Variants in IL1RAPL1 observed in about 807,000 individuals in gnomAD.
IL1RAPL1 encodes interleukin 1 receptor accessory protein like 1.
A neutral mutation model predicts 48.4 loss-of-function variants in IL1RAPL1; 3 were observed. That is an observed-to-expected ratio of 0.06 (90% CI 0.03 to 0.16). The LOEUF (loss-of-function observed/expected upper bound fraction) is 0.16, where lower values mean the gene tolerates loss of function less well. Among genes scored for constraint, IL1RAPL1 ranks in the 10% least tolerant of loss-of-function variants. The pLI is 1.00. For synonymous variants in IL1RAPL1, 185 were observed against 187.7 expected, an observed-to-expected ratio of 0.99 and a Z score of 0.12; for missense variants, 349 against 530.6, an observed-to-expected ratio of 0.66 and a Z score of 3.36.
At chrX:29,862,634 C>T (rs950841926) in intron 6 of IL1RAPL1, among the ~76,000 whole-genome samples, 20 of 111,261 alleles carry the variant, frequency 1.8e-4, no homozygotes, top group Admixed American at 1.7e-3. Context: ...AAAACAAAAA[C>T]GCAGCCTAAT....
intron 5 of IL1RAPL1, among the ~76,000 whole-genome samples, chrX:29,633,322 CAGAATAGTA>C (rs1347317372): frequency 9.0e-6 from 1 of 110,899 alleles, no homozygotes; most frequent in East Asian, 2.8e-4. Flanking sequence ...TATTAGAAAT[CAGAATAGTA>C]CTTACCTTTG....
chrX:29,912,367 A>AGAT (rs1486946084), intron 6 of IL1RAPL1, among the ~76,000 whole-genome samples: 1 of 111,983 alleles, frequency 8.9e-6, no homozygotes, highest in Non-Finnish European at 1.9e-5. Context: ...CATTAATTTG[A>AGAT]GATTATGTAT....
intron 5 of IL1RAPL1, among the ~76,000 whole-genome samples, chrX:29,458,912 T>C (rs996151978): frequency 9.0e-6 from 1 of 111,726 alleles, no homozygotes; most frequent in African/African-American, 3.3e-5. Context: ...TTATGGGTCA[T>C]GTGGTTTCTG....
intron 2 of IL1RAPL1, among the ~76,000 whole-genome samples, chrX:29,108,182 T>G (rs944336079): frequency 8.9e-6 from 1 of 111,986 alleles, no homozygotes; most frequent in East Asian, 2.8e-4. Context: ...AATGCAATTA[T>G]GCATGATATA....
chrX:28,718,038 A>G (rs915464314), intron 1 of IL1RAPL1, among the ~76,000 whole-genome samples: 1 of 111,808 alleles, frequency 8.9e-6, no homozygotes, highest in Admixed American at 9.5e-5. Context: ...AAAGAAATGT[A>G]AATAGTTCTT....
At chrX:28,874,430 A>G (rs1353673022) in intron 2 of IL1RAPL1, among the ~76,000 whole-genome samples, 1 of 112,229 alleles carries the variant, frequency 8.9e-6, no homozygotes, top group Non-Finnish European at 1.9e-5. Context: ...TACAACCTTC[A>G]TGGCTATCAT....
intron 1 of IL1RAPL1, among the ~76,000 whole-genome samples, chrX:28,716,116 C>T (rs1935501428): frequency 8.9e-6 from 1 of 111,965 alleles, no homozygotes; most frequent in African/African-American, 3.2e-5. Context: ...GCAGAAAAGG[C>T]TTGTGACAAA....
At chrX:29,099,848 A>G (rs1928295430) in intron 2 of IL1RAPL1, among the ~76,000 whole-genome samples, 1 of 111,577 alleles carries the variant, frequency 9.0e-6, no homozygotes, top group South Asian at 3.7e-4. Context: ...CATTGCAATT[A>G]TATATTATTA....
intron 2 of IL1RAPL1, among the ~76,000 whole-genome samples, chrX:29,187,150 T>C (rs1166279172): frequency 8.9e-6 from 1 of 112,241 alleles, no homozygotes; most frequent in East Asian, 2.8e-4. Flanking sequence ...AAGAAACTTG[T>C]TCTGTATAAC....
At chrX:29,261,170 G>A (rs1039658486) in intron 2 of IL1RAPL1, among the ~76,000 whole-genome samples, 10 of 109,686 alleles carry the variant, frequency 9.1e-5, no homozygotes, top group African/African-American at 2.3e-4. Context: ...ACTTGAAGTC[G>A]ACTTTCCTAG....
intron 2 of IL1RAPL1, among the ~76,000 whole-genome samples, chrX:29,108,179 T>G (rs1928486019): frequency 8.9e-6 from 1 of 111,900 alleles, no homozygotes; most frequent in Non-Finnish European, 1.9e-5. Flanking sequence ...ATAAATGCAA[T>G]TATGCATGAT....
In IL1RAPL1 at chrX:29,574,525, G is replaced by A. The variant is rs950032555; in HGVS notation, c.704-93905G>A. The stretch of plus-strand genomic sequence containing the variant: ...TCTGAAGTCTCATGTGAGACAAGGC[G>A]AGTCCCTTCTACCTATGAGCCTGTA... On this transcript the variant is annotated intron_variant, in intron 5 of 10. Coordinates refer to ENST00000378993, the MANE Select transcript of IL1RAPL1 (RefSeq NM_014271.4). Among the ~76,000 whole-genome samples the A allele has an allele frequency of 7.2e-5, 8 of 110,347 alleles. No individual in the cohort carries two copies. The Admixed American group carries it at 7.7e-4, about 11-fold the overall frequency.
intron 3 of IL1RAPL1, among the ~76,000 whole-genome samples, chrX:29,376,342 G>C (rs1227252447): frequency 1.8e-5 from 2 of 110,050 alleles, no homozygotes; most frequent in Non-Finnish European, 3.8e-5. Flanking sequence ...TTATTCAGGG[G>C]TAAGTTGTCT....
Position 29,064,804 on chromosome X carries a change from A to G in IL1RAPL1, c.83-218134A>G, listed in dbSNP as rs189437156. Among the ~76,000 whole-genome samples, 1,065 of 111,362 alleles carry G rather than the reference A, an allele frequency of 9.6e-3. 15 individuals are homozygous for G. The highest frequency in any genetic ancestry group is 0.033 in the African/African-American group (1,021 of 30,627). On this transcript the variant is annotated intron_variant, in intron 2 of 10. Coordinates refer to ENST00000378993, the MANE Select transcript of IL1RAPL1 (RefSeq NM_014271.4). Reference sequence around the variant, plus strand: ...CATTGTGTTAGCCAGGATGGTCTCAATCTCCTGACCTCCTGTTCCACCTGC... The same window carrying G: ...CATTGTGTTAGCCAGGATGGTCTCAGTCTCCTGACCTCCTGTTCCACCTGC...
intron 2 of IL1RAPL1, among the ~76,000 whole-genome samples, chrX:29,244,067 G>A (rs537242195): frequency 8.9e-6 from 1 of 111,881 alleles, no homozygotes; most frequent in East Asian, 2.8e-4. Context: ...TTACAGCTTA[G>A]GGGTACAACT....
chrX:28,959,246 T>A (rs1451748863), intron 2 of IL1RAPL1, among the ~76,000 whole-genome samples: 1 of 111,831 alleles, frequency 8.9e-6, no homozygotes, highest in South Asian at 3.7e-4. Context: ...ATTCATAACT[T>A]GCTCTTTTTA....
At chrX:29,032,518 A>G (rs1174205623) in intron 2 of IL1RAPL1, among the ~76,000 whole-genome samples, 1 of 112,060 alleles carries the variant, frequency 8.9e-6, no homozygotes, top group East Asian at 2.8e-4. Flanking sequence ...ATTCTTAAGC[A>G]TGCTGAACCA....
At chrX:28,874,131 C>T (rs1335127503) in intron 2 of IL1RAPL1, among the ~76,000 whole-genome samples, 1 of 111,323 alleles carries the variant, frequency 9.0e-6, no homozygotes, top group Non-Finnish European at 1.9e-5. Flanking sequence ...TTGTGTTTTG[C>T]AGTGTCTGAC....
intron 5 of IL1RAPL1, among the ~76,000 whole-genome samples, chrX:29,616,061 C>G (rs1308459697): frequency 8.9e-6 from 1 of 111,903 alleles, no homozygotes; most frequent in Non-Finnish European, 1.9e-5. Context: ...CTAGAAATCA[C>G]ACATGCCGTT....
Sources: gnomAD v4.1 joint callset for allele counts (sites outside exome capture counted in the v4.1 genomes callset) on GRCh38, gnomAD v4.1.1 for gene constraint, MANE v1.5 for transcripts, NCBI Gene and HGNC (gene_info 2026-07-23, HGNC 2026-07-21) for gene names.